Variants in TIMM23B observed in about 807,000 individuals in gnomAD.
TIMM23B encodes mitochondrial import inner membrane translocase subunit Tim23B.
TIMM23B carries 27 observed loss-of-function variants against 27.3 expected under a neutral mutation model. That is an observed-to-expected ratio of 0.99 (90% CI 0.73 to 1.36). TIMM23B has a LOEUF of 1.36. Ranked by LOEUF, TIMM23B falls within the 40% of genes most tolerant of loss-of-function variation. TIMM23B has a pLI of 0.00. For missense variants in TIMM23B, 205 were observed against 244.2 expected (o/e 0.84, Z 1.07); for synonymous variants, 73 against 92.4 (o/e 0.79, Z 1.21).
intron 5 of TIMM23B, among the ~76,000 whole-genome samples, chr10:49,955,833 CTG>C (rs1472222738): frequency 7.2e-5 from 11 of 152,150 alleles, no homozygotes; most frequent in African/African-American, 2.4e-4. Context: ...CATCTTCACA[CTG>C]TAAAGCCAGT....
At chr10:49,950,024 T>G (rs1839475358) in intron 2 of TIMM23B, among the ~76,000 whole-genome samples, 1 of 152,146 alleles carries the variant, frequency 6.6e-6, no homozygotes, top group African/African-American at 2.4e-5. Context: ...CTCTCACTAA[T>G]GCTTTTGTAT....
chr10:49,943,737 G>GTTTTTTT (rs35547755), intron 1 of TIMM23B, among the ~76,000 whole-genome samples: 1 of 113,630 alleles, frequency 8.8e-6, no homozygotes, highest in Non-Finnish European at 1.8e-5. Flanking sequence ...GTTTTTGTGG[G>GTTTTTTT]TTTTTTTTTT....
intron 1 of TIMM23B, 67 bp downstream of exon 1, chr10:49,942,367 C>G (rs1481907467): frequency 2.2e-4 from 340 of 1,558,748 alleles, no homozygotes; most frequent in Admixed American, 1.1e-3. Flanking sequence ...AGTTGCGCGT[C>G]CCATGTTTTA....
At chr10:49,962,753 A>C (rs1449434478) in intron 6 of TIMM23B, among the ~76,000 whole-genome samples, 5 of 152,188 alleles carry the variant, frequency 3.3e-5, no homozygotes, top group Admixed American at 1.3e-4. Context: ...ACAGTTTTGC[A>C]CATACATTTT....
Position 49,955,020 on chromosome 10 carries a change from T to A in TIMM23B, c.363T>A (p.Thr121=). Residue 121 remains threonine (T), a synonymous_variant, in exon 5 of 7, where the codon ACT becomes ACA. Transcript: ENST00000651259. The part of the protein sequence containing the change: ...PGNVQILNMV[T]RQGALWANTL... ...CTGATAGGATTTTGAATATGGTGAC[T>A]AGGCAAGGGGCACTTTGGGCTAATA... 2 of 1,612,988 alleles carry A rather than the reference T, an allele frequency of 1.2e-6. No homozygotes were observed. Among genetic ancestry groups the A allele is most frequent in the Non-Finnish European group, 1.7e-6 (2 of 1,179,148 alleles).
intron 4 of TIMM23B, among the ~76,000 whole-genome samples, chr10:49,953,138 G>A (rs1220963514): frequency 6.6e-6 from 1 of 152,144 alleles, no homozygotes; most frequent in East Asian, 1.9e-4. Context: ...AGTAAACATG[G>A]CCAGTCCCTC....
At chr10:49,962,742 TAC>T (rs1839963664) in intron 6 of TIMM23B, among the ~76,000 whole-genome samples, 1 of 152,160 alleles carries the variant, frequency 6.6e-6, no homozygotes, top group Non-Finnish European at 1.5e-5. Context: ...CTGTCGTACA[TAC>T]AGTTTTGCAC....
intron 6 of TIMM23B, among the ~76,000 whole-genome samples, chr10:49,959,395 A>G (rs1254619664): frequency 1.4e-4 from 21 of 152,344 alleles, no homozygotes; most frequent in African/African-American, 4.6e-4. Context: ...TGATCATCTT[A>G]CGCTACTGGG....
intron 6 of TIMM23B, among the ~76,000 whole-genome samples, chr10:49,966,715 C>T (rs1177204212): frequency 6.6e-6 from 1 of 151,942 alleles, no homozygotes; most frequent in Non-Finnish European, 1.5e-5. Context: ...ATCCCAGCTA[C>T]TTGGGAGGCA....
chr10:49,962,197 C>CT (rs1564685885), intron 6 of TIMM23B, among the ~76,000 whole-genome samples: 3 of 137,730 alleles, frequency 2.2e-5, no homozygotes, highest in East Asian at 2.1e-4. Flanking sequence ...TCCAATTAAG[C>CT]TTTTTTTTGC....
intron 6 of TIMM23B, among the ~76,000 whole-genome samples, chr10:49,969,250 G>T (rs1371719519): frequency 1.3e-5 from 2 of 152,148 alleles, no homozygotes; most frequent in Non-Finnish European, 2.9e-5. Context: ...GTCCAGGAGT[G>T]TAAGGGCAAT....
At chr10:49,960,009 A>G (rs1839845468) in intron 6 of TIMM23B, among the ~76,000 whole-genome samples, 1 of 150,306 alleles carries the variant, frequency 6.7e-6, no homozygotes, top group Non-Finnish European at 1.5e-5. Context: ...TCAGCCTCCC[A>G]AGTGCTAGGA....
At chr10:49,955,229 A>G (rs1209155607) in intron 5 of TIMM23B, among the ~76,000 whole-genome samples, 169 bp downstream of exon 5, 1 of 152,228 alleles carries the variant, frequency 6.6e-6, no homozygotes, top group Non-Finnish European at 1.5e-5. Context: ...CCATGAACTA[A>G]CTTATGAAAT....
chr10:49,960,701 A>G (rs1839868204), intron 6 of TIMM23B, among the ~76,000 whole-genome samples: 2 of 151,404 alleles, frequency 1.3e-5, no homozygotes, highest in Admixed American at 6.6e-5. Context: ...TTCTCACCAA[A>G]CCAAATTACC....
At chr10:49,955,405 C>G (rs1839681786) in intron 5 of TIMM23B, among the ~76,000 whole-genome samples, 1 of 152,318 alleles carries the variant, frequency 6.6e-6, no homozygotes, top group African/African-American at 2.4e-5. Context: ...GGTTCAAGGT[C>G]CTGTAGTGAT....
At chr10:49,944,054 C>T in intron 1 of TIMM23B, among the ~76,000 whole-genome samples, 1 of 152,282 alleles carries the variant, frequency 6.6e-6, no homozygotes, top group Non-Finnish European at 1.5e-5. Flanking sequence ...AGGAACAGCT[C>T]TTAGGCCAGT....
At chr10:49,957,590 G>T (rs1203571006) in intron 5 of TIMM23B, among the ~76,000 whole-genome samples, 4 of 152,208 alleles carry the variant, frequency 2.6e-5, no homozygotes, top group Admixed American at 2.6e-4. Context: ...AAATAGCCCA[G>T]TCAAGGAATA....
chr10:49,958,534 T>A (rs1839796423), intron 6 of TIMM23B, 54 bp downstream of exon 6: 4 of 1,564,134 alleles, frequency 2.6e-6, no homozygotes, highest in Non-Finnish European at 3.5e-6. Flanking sequence ...GTGCGCTTTT[T>A]AAAATTCATG....
intron 1 of TIMM23B, among the ~76,000 whole-genome samples, chr10:49,944,643 T>C (rs1384971449): frequency 0.07 from 10,601 of 152,198 alleles, 520 homozygotes; most frequent in African/African-American, 0.12. Flanking sequence ...AACCACTGTT[T>C]TTCCCATGGA....
Sources: allele counts gnomAD v4.1 joint callset (sites outside exome capture counted in the v4.1 genomes callset), GRCh38; gene constraint gnomAD v4.1.1; transcripts MANE v1.5; gene names NCBI Gene and HGNC (gene_info 2026-07-23, HGNC 2026-07-21).